BLM: variants seen among roughly 807,000 people sequenced by gnomAD.
The protein encoded by BLM is BLM RecQ like helicase.
A neutral mutation model predicts 135.3 loss-of-function variants in BLM; 95 were observed. The observed-to-expected ratio is 0.70, with a 90% CI of 0.59 to 0.83. The LOEUF is 0.83. Among genes scored for constraint, BLM ranks in the 40% least tolerant of loss-of-function variants. The pLI, the probability that BLM is intolerant of heterozygous loss-of-function variation, is 0.00. For missense variants in BLM, 1,518 were observed against 1,663.9 expected, an observed-to-expected ratio of 0.91 and a Z score of 1.53; for synonymous variants, 520 against 589.2, an observed-to-expected ratio of 0.88 and a Z score of 1.70.
At chr15:90,804,951 C>T (rs1422094303) in intron 19 of BLM, among the ~76,000 whole-genome samples, 2 of 152,144 alleles carry the variant, frequency 1.3e-5, no homozygotes, top group Non-Finnish European at 2.9e-5. Flanking sequence ...ATTCTTCTGC[C>T]TCAGCCTCCC....
In BLM at chr15:90,815,414, G is replaced by T; in HGVS notation, c.*135G>T. 1.2e-5 allele frequency: 11 copies of T among 948,812 alleles called. No individual in the cohort carries two copies. Among genetic ancestry groups the T allele is most frequent in the Non-Finnish European group, 1.6e-5 (10 of 630,798 alleles). 58.8% of individuals were successfully genotyped at this position (948,812 alleles called of 1,614,324 possible). A position where few individuals can be genotyped will look rare whatever the true frequency, so the allele number is the denominator to read the frequency against. On this transcript the variant is annotated 3_prime_UTR_variant, in exon 22 of 22. Coordinates refer to ENST00000355112, the MANE Select transcript of BLM (RefSeq NM_000057.4). This position sits in a 1 kb window ranked among gnomAD's most constrained non-coding sequence, Gnocchi z 4.6. ...CTATTAATATTTAAATAAATGCTGG[G>T]GGGTGATAGTTCTTCTTTTTAAAAT...
intron 1 of BLM, among the ~76,000 whole-genome samples, chr15:90,722,185 C>G (rs2151126247): frequency 6.6e-6 from 1 of 152,068 alleles, no homozygotes; most frequent in South Asian, 2.1e-4. Context: ...TCTTGGCTCA[C>G]TGAAAGCTCC....
At chr15:90,796,037 A>T (rs1461088183) in intron 16 of BLM, among the ~76,000 whole-genome samples, 1 of 152,198 alleles carries the variant, frequency 6.6e-6, no homozygotes, top group Non-Finnish European at 1.5e-5. Context: ...AAGGGAGCCC[A>T]TGTGGCTGAG....
intron 1 of BLM, among the ~76,000 whole-genome samples, chr15:90,724,129 C>T (rs1469601914): frequency 6.6e-6 from 1 of 152,156 alleles, no homozygotes; most frequent in Admixed American, 6.5e-5. Flanking sequence ...CCTTCTGCCT[C>T]AGCCTCCCGA....
intron 5 of BLM, among the ~76,000 whole-genome samples, chr15:90,756,368 G>A (rs1477007520): frequency 2.6e-5 from 4 of 152,154 alleles, no homozygotes; most frequent in Admixed American, 6.5e-5. Flanking sequence ...CCCCCAAAGT[G>A]CTGGGATTAC....
chr15:90,749,629 A>C lies in BLM; in HGVS notation c.361A>C (p.Thr121Pro), dbSNP rs774608080. The change falls in exon 3 of 22, where the codon ACT (threonine) becomes CCT (proline). Residue 121 changes from threonine to proline, a missense_variant. Thr to Pro is a conservative substitution (Grantham distance 38). Around this residue, in one of 5 missense-constraint regions of BLM, gnomAD observed 724 missense variants for 756.9 expected, o/e 0.96. Coordinates refer to ENST00000355112, the MANE Select transcript of BLM (RefSeq NM_000057.4). ...FLQTPKEVVC[T>P]TQNTPTVKKS... is the part of the protein sequence containing the mutation. ...GCAGACTCCGAAGGAAGTTGTATGC[A>C]CTACCCAAAACACACCAACTGTAAA... 10 of 1,614,104 alleles carry C rather than the reference A, an allele frequency of 6.2e-6. No homozygotes were observed. The African/African-American group carries it at 1.1e-4, about 17-fold the overall frequency.
chr15:90,794,453 A>G, intron 16 of BLM, 96 bp downstream of exon 16: 1 of 953,028 alleles, frequency 1.0e-6, no homozygotes, highest in Non-Finnish European at 1.5e-6. Context: ...GTGGTCTCCG[A>G]CAGATTAACA....
rs1416261851 is a variant in BLM at position 90,803,618 on chromosome 15, CA to C, written c.3458del (p.Lys1153ArgfsTer19). 1 of 1,613,904 alleles carries C rather than the reference CA, an allele frequency of 6.2e-7. No individual in the cohort carries two copies. The highest frequency in any genetic ancestry group is 8.5e-7 in the Non-Finnish European group (1 of 1,179,974). ...GACTTTTTAAAAAGCTGATACTTGA[CA>C]AGATTTTGGATGAAGACTTATATAT... ...ERLFKKLILD[K>X]ILDEDLYINA... On this transcript the variant is annotated frameshift_variant, in exon 18 of 22. Coordinates refer to ENST00000355112, the MANE Select transcript of BLM (RefSeq NM_000057.4). LOFTEE classifies it high-confidence loss of function.
chr15:90,775,637 G>A (rs1027495238), intron 12 of BLM, among the ~76,000 whole-genome samples: 40 of 151,808 alleles, frequency 2.6e-4, no homozygotes, highest in African/African-American at 9.7e-4. Context: ...TCAGCCTCCT[G>A]AGTAGCTGGG....
chr15:90,735,738 T>C (rs1895197443), intron 1 of BLM, among the ~76,000 whole-genome samples: 1 of 152,108 alleles, frequency 6.6e-6, no homozygotes, highest in Non-Finnish European at 1.5e-5. Context: ...ATAGATGAGT[T>C]TTCTGTAACC....
At chr15:90,767,078 AT>A (rs1334694624) in intron 10 of BLM, 55 bp downstream of exon 10, 13 of 1,155,998 alleles carry the variant, frequency 1.1e-5, no homozygotes, top group Non-Finnish European at 1.3e-5. Flanking sequence ...GAATACATAT[AT>A]TTTTAAGATT....
At chr15:90,747,299 G>T (rs1029671339) in intron 1 of BLM, 90 bp from the exon 2 acceptor site, 1 of 802,150 alleles carries the variant, frequency 1.2e-6, no homozygotes, top group Admixed American at 2.2e-5. Flanking sequence ...AACAATGCCT[G>T]TTTGAATCAA....
chr15:90,796,016 C>T (rs924833450), intron 16 of BLM, among the ~76,000 whole-genome samples: 8 of 152,122 alleles, frequency 5.3e-5, no homozygotes, highest in Admixed American at 6.6e-5. Context: ...CTGGTGTGTT[C>T]GAGAGATGGC....
chr15:90,760,147 C>G lies in BLM; in HGVS notation c.1088C>G (p.Ala363Gly), dbSNP rs1567040460. 6.2e-7 allele frequency: 1 copy of G among 1,609,358 alleles called. No individual in the cohort carries two copies. The highest frequency in any genetic ancestry group is 8.5e-7 in the Non-Finnish European group (1 of 1,176,276). ...LNPETSTDCD[A>G]RQISLQQQLI... Reference sequence around the variant, plus strand: ...TATTAACAACATAATTATTTTATAGCTAGACAGATAAGTTTACAGCAGCAG... The same window carrying G: ...TATTAACAACATAATTATTTTATAGGTAGACAGATAAGTTTACAGCAGCAG... Residue 363 changes from alanine to glycine, a missense_variant and splice_region_variant, in exon 6 of 22, where the codon GCT becomes GGT. Transcript: ENST00000355112.
intron 1 of BLM, among the ~76,000 whole-genome samples, chr15:90,746,296 AATAATTAAGAT>A (rs2151144168): frequency 1.3e-5 from 2 of 152,288 alleles, no homozygotes; most frequent in South Asian, 4.1e-4. Context: ...TTTTGGGGGT[AATAATTAAGAT>A]ATAATTCACA....
intron 1 of BLM, among the ~76,000 whole-genome samples, chr15:90,739,032 CA>C (rs2078060786): frequency 6.6e-6 from 1 of 152,188 alleles, no homozygotes; most frequent in South Asian, 2.1e-4. Flanking sequence ...AAGGTGGAAG[CA>C]ACCCTAACGT....
chr15:90,790,803 A>G lies in BLM; in HGVS notation c.2978A>G (p.Tyr993Cys), dbSNP rs1245758227. 1 of 1,614,212 alleles carries G rather than the reference A, an allele frequency of 6.2e-7. No individual in the cohort carries two copies. The change falls in exon 15 of 22, where the codon TAT becomes TGT. Residue 993 changes from tyrosine (Y) to cysteine (C), a missense_variant. Around this residue, in one of 5 missense-constraint regions of BLM, gnomAD observed 626 missense variants for 681.1 expected, o/e 0.92. Coordinates refer to ENST00000355112, the MANE Select transcript of BLM (RefSeq NM_000057.4). The part of the protein sequence containing the change: ...DGEISHCLLF[Y>C]TYHDVTRLKR... ...GAAATATCTCACTGCCTGCTTTTCT[A>G]TACCTATCATGATGTGACCAGACTG...
intron 12 of BLM, among the ~76,000 whole-genome samples, chr15:90,773,095 C>CAAAAAAAAA (rs780966709): frequency 8.3e-4 from 36 of 43,414 alleles, no homozygotes; most frequent in Non-Finnish European, 9.9e-4. Flanking sequence ...GAGACTGTCT[C>CAAAAAAAAA]AAAAAAAAAA....
chr15:90,725,193 G>C (rs1894877621), intron 1 of BLM, among the ~76,000 whole-genome samples: 1 of 152,094 alleles, frequency 6.6e-6, no homozygotes, highest in Non-Finnish European at 1.5e-5. Context: ...ACAGGCATAA[G>C]CCACCACGCC....
Sources: gnomAD v4.1 joint callset for allele counts (sites outside exome capture counted in the v4.1 genomes callset) on GRCh38, gnomAD v4.1.1 for gene constraint, gnomAD v4.1.1 regional missense constraint, Gnocchi (gnomAD v3.1) non-coding constraint, MANE v1.5 for transcripts, NCBI Gene and HGNC (gene_info 2026-07-23, HGNC 2026-07-21) for gene names.